Variants in MERTK observed in about 807,000 individuals in gnomAD.
MERTK encodes MER proto-oncogene, tyrosine kinase, also known as tyrosine-protein kinase Mer.
Under a neutral mutation model 99.3 loss-of-function variants are expected in MERTK, and 69 were observed. The observed-to-expected ratio is 0.70, with a 90% CI of 0.57 to 0.85. The LOEUF (loss-of-function observed/expected upper bound fraction) is 0.85, where lower values mean the gene tolerates loss of function less well. MERTK is among the 40% of genes least tolerant of loss of function. The probability of loss-of-function intolerance (pLI) is 0.00; values close to 1 mark genes in which losing one functional copy is unlikely to be tolerated. For synonymous variants in MERTK, 426 were observed against 467.6 expected (o/e 0.91, Z 1.15); for missense variants, 1,125 against 1,249.4 (o/e 0.90, Z 1.50).
chr2:111,904,768 A>G (rs1408203072), intron 1 of MERTK, among the ~76,000 whole-genome samples: 1 of 152,126 alleles, frequency 6.6e-6, no homozygotes. Context: ...TGGTTCTTAG[A>G]GTAGATTCCG....
At chr2:111,963,160 T>G (rs1014162618) in intron 4 of MERTK, among the ~76,000 whole-genome samples, 5 of 152,228 alleles carry the variant, frequency 3.3e-5, no homozygotes, top group Non-Finnish European at 7.3e-5. Context: ...GCTTTAGATA[T>G]GCATACACAT....
chr2:112,000,596 T>C (rs2104404605), intron 10 of MERTK, among the ~76,000 whole-genome samples: 1 of 152,328 alleles, frequency 6.6e-6, no homozygotes, highest in South Asian at 2.1e-4. Context: ...TAAAATGCCA[T>C]TGTCATCACT....
intron 10 of MERTK, among the ~76,000 whole-genome samples, chr2:112,000,293 A>G (rs576212367): frequency 3.3e-5 from 5 of 152,306 alleles, no homozygotes; most frequent in African/African-American, 1.2e-4. Flanking sequence ...ATATTGATCC[A>G]TTGTCATTAA....
At chr2:111,924,995 A>G (rs1369910786) in intron 1 of MERTK, among the ~76,000 whole-genome samples, 2 of 152,064 alleles carry the variant, frequency 1.3e-5, no homozygotes, top group African/African-American at 2.4e-5. Flanking sequence ...ATGTATTACA[A>G]AAGGGTCCTA....
At chr2:111,965,756 C>G (rs1033300200) in intron 5 of MERTK, among the ~76,000 whole-genome samples, 1 of 151,994 alleles carries the variant, frequency 6.6e-6, no homozygotes, top group Admixed American at 6.5e-5. Flanking sequence ...CTCCCTGCCA[C>G]CTACTGACTC....
At chr2:111,941,671 G>C (rs1293585171) in intron 2 of MERTK, among the ~76,000 whole-genome samples, 1 of 152,198 alleles carries the variant, frequency 6.6e-6, no homozygotes, top group African/African-American at 2.4e-5. Context: ...CCCAGTGGGA[G>C]CCTTTCCCTT....
intron 8 of MERTK, among the ~76,000 whole-genome samples, chr2:111,987,897 C>G (rs1001627532): frequency 2.8e-4 from 42 of 151,832 alleles, no homozygotes; most frequent in Admixed American, 2.8e-3. Context: ...TGCTCTAATG[C>G]TAGTTTACTC....
chr2:112,019,214 C>A lies in MERTK; in HGVS notation c.2080-199C>A. 3 of 702,646 alleles carry A rather than the reference C, an allele frequency of 4.3e-6. No individual in the cohort carries two copies. In the Admixed American group the frequency reaches 6.0e-5, roughly 14 times the overall value. 43.5% of individuals were successfully genotyped at this position (702,646 alleles called of 1,614,324 possible). On this transcript the variant is annotated intron_variant, in intron 15 of 18. Transcript: ENST00000295408. ...TGGGGAAAAGAGAATATGATGTTTG[C>A]CAAGAAGTTTAAGGTTTTTCTCATT... is the stretch of plus-strand genomic sequence containing the variant.
chr2:111,914,594 T>G, intron 1 of MERTK, among the ~76,000 whole-genome samples: 1 of 152,168 alleles, frequency 6.6e-6, no homozygotes, highest in Non-Finnish European at 1.5e-5. Flanking sequence ...CTAATTTTCT[T>G]AGAGGGTTTT....
At chr2:111,924,886 A>C (rs956284918) in intron 1 of MERTK, among the ~76,000 whole-genome samples, 8 of 152,010 alleles carry the variant, frequency 5.3e-5, no homozygotes, top group African/African-American at 1.2e-4. Context: ...CAACAAACCT[A>C]TTTTGAGCAC....
chr2:111,991,236 G>GT (rs1263239276), intron 8 of MERTK, among the ~76,000 whole-genome samples: 1 of 152,128 alleles, frequency 6.6e-6, no homozygotes, highest in Middle Eastern at 3.2e-3. Context: ...CTCTATTTAT[G>GT]TTTTTTTGTT....
chr2:111,964,400 C>CGT (rs976731054), intron 4 of MERTK, among the ~76,000 whole-genome samples: 1 of 88,810 alleles, frequency 1.1e-5, no homozygotes, highest in African/African-American at 4.0e-5. Context: ...TGTGTGTGTG[C>CGT]GCGCGCGCAC....
At chr2:111,937,253 C>T (rs144216190) in intron 2 of MERTK, among the ~76,000 whole-genome samples, 4 of 151,028 alleles carry the variant, frequency 2.6e-5, no homozygotes, top group South Asian at 2.1e-4. Context: ...GAGACCAGCC[C>T]GAGCAACACA....
intron 7 of MERTK, among the ~76,000 whole-genome samples, chr2:111,982,151 C>T (rs971801178): frequency 2.0e-5 from 3 of 151,392 alleles, no homozygotes; most frequent in Non-Finnish European, 4.4e-5. Context: ...CCTTGACTTT[C>T]CAGGGTCAAG....
At chr2:111,936,581 A>C (rs1004485784) in intron 2 of MERTK, among the ~76,000 whole-genome samples, 9 of 151,922 alleles carry the variant, frequency 5.9e-5, no homozygotes, top group Admixed American at 6.6e-5. Context: ...GATGTCTGTT[A>C]TTGTTGATGG....
At chr2:112,014,080 G>T (rs1311828139) in intron 15 of MERTK, among the ~76,000 whole-genome samples, 2 of 149,350 alleles carry the variant, frequency 1.3e-5, no homozygotes, top group Non-Finnish European at 3.0e-5. Context: ...GGAGTGCAGT[G>T]GCGTGATCTC....
chr2:111,991,741 G>T (rs902946827), intron 8 of MERTK, among the ~76,000 whole-genome samples: 1 of 152,026 alleles, frequency 6.6e-6, no homozygotes, highest in Admixed American at 6.5e-5. Flanking sequence ...CTGGTTGTGT[G>T]TGTACACACA....
rs527694612 is a variant in MERTK, at chr2:111,929,196, C to G, written c.138C>G (p.Asp46Glu). The G allele has an allele frequency of 2.2e-4, 356 of 1,614,210 alleles. 1 individual carries two copies. The South Asian group carries it at 3.5e-3, about 16-fold the overall frequency. The change falls in exon 2 of 19, where the codon GAC becomes GAG. Residue 46 changes from aspartate (D) to glutamate (E), a missense_variant. Transcript: ENST00000295408. Reference sequence around the variant, plus strand: ...CTTTTCCAGGGAGCCTGCAAACTGACCACACACCGCTGTTATCCCTTCCTC... The same window carrying G: ...CTTTTCCAGGGAGCCTGCAAACTGAGCACACACCGCTGTTATCCCTTCCTC... ...PGPFPGSLQT[D>E]HTPLLSLPHA...
chr2:111,970,783 CCTCCCTCCTCCTCCTCCCCCCT>C (rs1676097531), intron 6 of MERTK, among the ~76,000 whole-genome samples: 2 of 38,210 alleles, frequency 5.2e-5, no homozygotes, highest in Non-Finnish European at 1.2e-4. Flanking sequence ...TCCTCCTCCT[CCTCCCTCCTCCTCCTCCCCCCT>C]CCTCCTCCTC....
Sources: gnomAD v4.1 joint callset for allele counts (sites outside exome capture counted in the v4.1 genomes callset) on GRCh38, gnomAD v4.1.1 for gene constraint, MANE v1.5 for transcripts, NCBI Gene and HGNC (gene_info 2026-07-23, HGNC 2026-07-21) for gene names.